The following NTRK2 variants were observed in gnomAD, a reference collection of about 807,000 sequenced individuals.
NTRK2 encodes the protein neurotrophic receptor tyrosine kinase 2, also known as BDNF/NT-3 growth factors receptor.
A neutral mutation model predicts 94.5 loss-of-function variants in NTRK2; 13 were observed. The observed-to-expected ratio is 0.14, with a 90% CI of 0.09 to 0.22. The LOEUF is 0.22. Ranked by LOEUF, NTRK2 falls within the 10% of genes least tolerant of loss-of-function variation. The pLI, the probability that NTRK2 is intolerant of heterozygous loss-of-function variation, is 1.00. For synonymous variants in NTRK2, 372 were observed against 407.4 expected (o/e 0.91, Z 1.05); for missense variants, 639 against 1,071.2 (o/e 0.60, Z 5.63).
At chr9:84,742,863 C>T (rs910941439) in intron 10 of NTRK2, among the ~76,000 whole-genome samples, 99 of 136,258 alleles carry the variant, frequency 7.3e-4, no homozygotes, top group African/African-American at 1.8e-3. Context: ...TCCAGTGGCG[C>T]GATCTATGCT....
At chr9:84,678,048 CAT>C (rs902367006) in intron 2 of NTRK2, among the ~76,000 whole-genome samples, 11 of 152,244 alleles carry the variant, frequency 7.2e-5, no homozygotes, top group East Asian at 3.9e-4. Context: ...CACACACACA[CAT>C]AGACACACAC....
rs368397804 is a variant in NTRK2 at position 84,812,000 on chromosome 9, CAGTT to C, written c.1397-49037_1397-49034del. 5.9e-5 allele frequency: 61 copies of C among 1,036,666 alleles called. No individual in the cohort carries two copies. In the East Asian group the frequency reaches 3.0e-3, roughly 51 times the overall value. The allele number at this position is 1,036,666 out of a possible 1,614,324, so 64.2% of individuals were successfully genotyped here. A position where few individuals can be genotyped will look rare whatever the true frequency, so the allele number is the denominator to read the frequency against. On this transcript the variant is annotated intron_variant, in intron 12 of 18. Coordinates refer to ENST00000277120, the MANE Select transcript of NTRK2 (RefSeq NM_006180.6). ...TGTTTGAAAACACAATCAGCTCTGA[CAGTT>C]AGACATGCACACAGACGCCATAGCT...
In NTRK2 at chr9:84,936,536, A is replaced by G. The variant is rs188566409; in HGVS notation, c.1764+2244A>G. ...AGGCCCCTCTCTAGTTTATATCCCA[A>G]TCACATTCCTAGTTCCACCTCTGAA... On this transcript the variant is annotated intron_variant, in intron 15 of 18. Coordinates refer to ENST00000277120, the MANE Select transcript of NTRK2 (RefSeq NM_006180.6). 4.7e-4 allele frequency among the ~76,000 whole-genome samples: 72 copies of G among 152,266 alleles called. 1 individual carries two copies. Among genetic ancestry groups the G allele is most frequent in the African/African-American group, 1.7e-3 (71 of 41,544 alleles).
chr9:85,010,678 ACATG>A, intron 17 of NTRK2, among the ~76,000 whole-genome samples: 1 of 152,344 alleles, frequency 6.6e-6, no homozygotes, highest in East Asian at 1.9e-4. Context: ...GAGGGGAAGA[ACATG>A]TTGTTACTAT....
intron 12 of NTRK2, chr9:84,813,589 A>C: frequency 9.4e-7 from 1 of 1,065,716 alleles, no homozygotes; most frequent in Non-Finnish European, 1.1e-6. Flanking sequence ...CATGTCAATT[A>C]CCTTTGCTCC....
At chr9:84,919,080 C>G (rs779986306) in intron 14 of NTRK2, among the ~76,000 whole-genome samples, 12 of 152,138 alleles carry the variant, frequency 7.9e-5, no homozygotes, top group Non-Finnish European at 1.2e-4. Flanking sequence ...CACCACCTTG[C>G]GTCATACCCC....
At chr9:84,747,266 A>G (rs535631298) in intron 11 of NTRK2, among the ~76,000 whole-genome samples, 1 of 152,294 alleles carries the variant, frequency 6.6e-6, no homozygotes, top group African/African-American at 2.4e-5. Context: ...TATGCATTAC[A>G]TTGAAATAGC....
chr9:84,670,891 C>T lies in NTRK2; in HGVS notation c.143C>T (p.Pro48Leu), dbSNP rs756974214. Reference sequence around the variant, plus strand: ...GCCTCTCGGATCTGGTGCAGCGACCCTTCTCCTGGCATCGTGGCATTTCCG... The same window carrying T: ...GCCTCTCGGATCTGGTGCAGCGACCTTTCTCCTGGCATCGTGGCATTTCCG... ...CSASRIWCSDPSPGIVAFPRL... is the reference protein window; with the variant it reads ...CSASRIWCSDLSPGIVAFPRL... Residue 48 changes from proline to leucine, a missense_variant, in exon 2 of 19, where the codon CCT becomes CTT. Physicochemically the swap from Pro to Leu is moderately conservative, Grantham distance 98 (BLOSUM62 -3). Around this residue, in one of 5 missense-constraint regions of NTRK2, gnomAD observed 206 missense variants for 251.5 expected, o/e 0.82. Coordinates refer to ENST00000277120, the MANE Select transcript of NTRK2 (RefSeq NM_006180.6). 1 of 1,612,794 alleles carries T rather than the reference C, an allele frequency of 6.2e-7. No individual in the cohort carries two copies. Among genetic ancestry groups the T allele is most frequent in the Admixed American group, 1.7e-5 (1 of 60,026 alleles).
chr9:84,755,365 T>C (rs755289241), intron 12 of NTRK2, among the ~76,000 whole-genome samples: 1 of 152,142 alleles, frequency 6.6e-6, no homozygotes, highest in Non-Finnish European at 1.5e-5. Context: ...TGGCGCTCAA[T>C]ACATATTAAC....
intron 2 of NTRK2, among the ~76,000 whole-genome samples, chr9:84,680,963 G>A (rs927124167): frequency 6.6e-6 from 1 of 152,020 alleles, no homozygotes; most frequent in African/African-American, 2.4e-5. Flanking sequence ...CTATCTCTCT[G>A]CATGCTACTT....
intron 2 of NTRK2, among the ~76,000 whole-genome samples, chr9:84,682,937 G>A (rs1293567567): frequency 6.6e-6 from 1 of 152,188 alleles, no homozygotes; most frequent in African/African-American, 2.4e-5. Flanking sequence ...CAACTCCAGT[G>A]TACAAGTTCT....
intron 12 of NTRK2, among the ~76,000 whole-genome samples, chr9:84,766,790 A>G (rs1287418478): frequency 2.0e-5 from 3 of 151,980 alleles, no homozygotes; most frequent in African/African-American, 7.2e-5. Context: ...TACATACATA[A>G]CATGCACATT....
chr9:84,924,462 G>T (rs2077688915), intron 14 of NTRK2, among the ~76,000 whole-genome samples: 1 of 152,134 alleles, frequency 6.6e-6, no homozygotes, highest in Non-Finnish European at 1.5e-5. Flanking sequence ...GCTGCATAAT[G>T]ATTCTTGAAA....
intron 6 of NTRK2, among the ~76,000 whole-genome samples, chr9:84,722,063 G>A (rs2062099794): frequency 6.7e-6 from 1 of 149,834 alleles, no homozygotes; most frequent in Admixed American, 6.7e-5. Flanking sequence ...AGGCCACAAA[G>A]TTAGTATGTG....
In NTRK2 at chr9:84,959,215, G is replaced by A. The variant is rs564198417; in HGVS notation, c.2172+3698G>A. Among the ~76,000 whole-genome samples, 10 of 152,292 alleles carry A rather than the reference G, an allele frequency of 6.6e-5. No homozygotes were observed. In the South Asian group the frequency reaches 1.9e-3, roughly 28 times the overall value. ...AAGGTGAGAAGCTGCTTTAGCTGAT[G>A]TGAGCTGTCGTCACCAATGTTAAAA... On this transcript the variant is annotated intron_variant, in intron 17 of 18. Coordinates refer to ENST00000277120, the MANE Select transcript of NTRK2 (RefSeq NM_006180.6).
intron 13 of NTRK2, among the ~76,000 whole-genome samples, chr9:84,864,913 G>A (rs1336171520): frequency 1.3e-5 from 2 of 151,574 alleles, no homozygotes; most frequent in Admixed American, 1.3e-4. Flanking sequence ...GCTAATTTTT[G>A]GACTTCTAGT....
intron 17 of NTRK2, among the ~76,000 whole-genome samples, chr9:84,982,386 C>G (rs1371958021): frequency 6.6e-6 from 1 of 152,226 alleles, no homozygotes; most frequent in African/African-American, 2.4e-5. Flanking sequence ...TGGCCTGTGT[C>G]ACTCAGGAGT....
chr9:84,904,937 C>G (rs574385294), intron 14 of NTRK2, among the ~76,000 whole-genome samples: 1 of 152,162 alleles, frequency 6.6e-6, no homozygotes, highest in South Asian at 2.1e-4. Context: ...TACATATGTT[C>G]GTCAACTCTT....
At chr9:84,896,023 T>A (rs534233760) in intron 14 of NTRK2, among the ~76,000 whole-genome samples, 1 of 152,350 alleles carries the variant, frequency 6.6e-6, no homozygotes, top group South Asian at 2.1e-4. Context: ...TCACCCTCTC[T>A]TTTCTCCCAC....
Sources: allele counts gnomAD v4.1 joint callset (sites outside exome capture counted in the v4.1 genomes callset), GRCh38; gene constraint gnomAD v4.1.1; regional missense constraint gnomAD v4.1.1; transcripts MANE v1.5; gene names NCBI Gene and HGNC (gene_info 2026-07-23, HGNC 2026-07-21).